Variants in NDRG3 observed in about 807,000 individuals in gnomAD.
NDRG3 encodes NDRG family member 3.
In NDRG3, 23 loss-of-function variants were observed where a neutral mutation model predicts 57.2. That is an observed-to-expected ratio of 0.40 (90% CI 0.29 to 0.57). The LOEUF (loss-of-function observed/expected upper bound fraction) is 0.57, where lower values mean the gene tolerates loss of function less well. Among genes scored for constraint, NDRG3 ranks in the 20% least tolerant of loss-of-function variants. The probability of loss-of-function intolerance (pLI) is 0.42; values close to 1 mark genes in which losing one functional copy is unlikely to be tolerated. For missense variants in NDRG3, 384 were observed against 457.3 expected, an observed-to-expected ratio of 0.84 and a Z score of 1.46; for synonymous variants, 132 against 162.6, an observed-to-expected ratio of 0.81 and a Z score of 1.43.
chr20:36,718,856 A>AT (rs1461014032), intron 2 of NDRG3, among the ~76,000 whole-genome samples: 1 of 151,570 alleles, frequency 6.6e-6, no homozygotes, highest in Non-Finnish European at 1.5e-5. Flanking sequence ...CATTTTTTTA[A>AT]TTTTTTGGTA....
chr20:36,726,914 CTT>C (rs34520989), intron 1 of NDRG3, among the ~76,000 whole-genome samples: 6 of 125,406 alleles, frequency 4.8e-5, no homozygotes, highest in African/African-American at 8.1e-5. Flanking sequence ...ATCTTTCTTT[CTT>C]TTTTTTTTTT....
intron 2 of NDRG3, among the ~76,000 whole-genome samples, chr20:36,720,106 C>CAAA (rs879825496): frequency 8.8e-6 from 1 of 113,002 alleles, no homozygotes; most frequent in Non-Finnish European, 1.9e-5. Flanking sequence ...GACTCCGTCT[C>CAAA]AAAAAAAAAA....
intron 9 of NDRG3, among the ~76,000 whole-genome samples, chr20:36,670,794 C>A (rs1008615855): frequency 1.3e-5 from 2 of 152,182 alleles, no homozygotes; most frequent in Non-Finnish European, 2.9e-5. Context: ...CTCCATCACT[C>A]CTTTGTCAGT....
intron 1 of NDRG3, among the ~76,000 whole-genome samples, chr20:36,739,237 A>G (rs922615080): frequency 6.7e-6 from 1 of 148,916 alleles, no homozygotes; most frequent in Non-Finnish European, 1.5e-5. Context: ...TCACGAGGTC[A>G]GGAGATCGAG....
At chr20:36,740,729 C>T (rs1164007448) in intron 1 of NDRG3, among the ~76,000 whole-genome samples, 1 of 152,110 alleles carries the variant, frequency 6.6e-6, no homozygotes, top group Non-Finnish European at 1.5e-5. Flanking sequence ...ACTACTAGCC[C>T]TTTCACTGAA....
intron 13 of NDRG3, among the ~76,000 whole-genome samples, chr20:36,657,822 T>C: frequency 6.6e-6 from 1 of 152,156 alleles, no homozygotes; most frequent in East Asian, 1.9e-4. Flanking sequence ...ATTTAACAAA[T>C]ATACAAAAAA....
chr20:36,679,452 T>C (rs1300651212), intron 8 of NDRG3, among the ~76,000 whole-genome samples: 1 of 152,116 alleles, frequency 6.6e-6, no homozygotes, highest in African/African-American at 2.4e-5. Context: ...TCGTTCTGTG[T>C]ATTCACACAA....
intron 1 of NDRG3, among the ~76,000 whole-genome samples, chr20:36,742,832 C>T (rs1173577286): frequency 1.3e-5 from 2 of 152,102 alleles, no homozygotes; most frequent in East Asian, 1.9e-4. Context: ...CATGCCTTAC[C>T]CATAGTCAAT....
intron 12 of NDRG3, among the ~76,000 whole-genome samples, chr20:36,663,657 C>T (rs1357914412): frequency 6.6e-6 from 1 of 152,104 alleles, no homozygotes; most frequent in East Asian, 1.9e-4. Flanking sequence ...ACTGGTATAT[C>T]CTTTCTGGAA....
At chr20:36,725,494 C>T (rs1399861676) in intron 1 of NDRG3, among the ~76,000 whole-genome samples, 4 of 150,068 alleles carry the variant, frequency 2.7e-5, no homozygotes, top group African/African-American at 9.8e-5. Context: ...CTCAGCTACT[C>T]GGGAGGCTGA....
At chr20:36,742,818 C>T (rs1177298083) in intron 1 of NDRG3, among the ~76,000 whole-genome samples, 2 of 152,208 alleles carry the variant, frequency 1.3e-5, no homozygotes, top group Non-Finnish European at 2.9e-5. Context: ...AGGCGCCATA[C>T]ATCCATGCCT....
intron 1 of NDRG3, among the ~76,000 whole-genome samples, chr20:36,723,238 C>T (rs947675975): frequency 2.0e-5 from 3 of 152,110 alleles, no homozygotes; most frequent in African/African-American, 7.2e-5. Context: ...ATAGGGAGAG[C>T]AGAATGGGGA....
intron 3 of NDRG3, among the ~76,000 whole-genome samples, chr20:36,696,419 A>G (rs774328922): frequency 2.6e-5 from 4 of 151,554 alleles, no homozygotes; most frequent in Non-Finnish European, 5.9e-5. Context: ...AAGCTCAAGC[A>G]ATCTGCTTGC....
At chr20:36,699,538 A>G (rs1983067542) in intron 3 of NDRG3, among the ~76,000 whole-genome samples, 1 of 152,126 alleles carries the variant, frequency 6.6e-6, no homozygotes, top group African/African-American at 2.4e-5. Context: ...CTTCTGTCAA[A>G]CTCAAACCTT....
chr20:36,727,563 G>A (rs1985017049), intron 1 of NDRG3, among the ~76,000 whole-genome samples: 2 of 142,738 alleles, frequency 1.4e-5, no homozygotes, highest in Non-Finnish European at 3.0e-5. Context: ...TTTTTTTTGA[G>A]ACGGAGTCTC....
intron 4 of NDRG3, 150 bp from the exon 5 acceptor site, chr20:36,687,762 G>T (rs1174782871): frequency 2.0e-5 from 17 of 852,642 alleles, no homozygotes; most frequent in Non-Finnish European, 3.0e-5. Flanking sequence ...TCTGATTCAA[G>T]CTGCCCTAAA....
intron 9 of NDRG3, among the ~76,000 whole-genome samples, chr20:36,667,046 T>C (rs989089478): frequency 1.3e-5 from 2 of 152,066 alleles, no homozygotes; most frequent in African/African-American, 4.8e-5. Context: ...ATGTTGGCCA[T>C]GCTGGTCTTG....
chr20:36,721,690 G>A lies in NDRG3; in HGVS notation c.46C>T (p.Leu16=). 1 of 1,606,036 alleles carries A rather than the reference G, an allele frequency of 6.2e-7. No homozygotes were observed. Among genetic ancestry groups the A allele is most frequent in the Non-Finnish European group, 8.5e-7 (1 of 1,173,620 alleles). Residue 16 remains leucine, a synonymous_variant, in exon 2 of 16, where the codon CTA becomes TTA. Transcript: ENST00000349004. ...AGAAAAGTCTTTACCTTATCATTTAGAAGTGGTTTGATCTCTGTGAGCTGA... is the reference window on the plus strand; with the variant it reads ...AGAAAAGTCTTTACCTTATCATTTAAAAGTGGTTTGATCTCTGTGAGCTGA... ...DVQLTEIKPL[L]NDKNGTRNFQ...
Position 36,671,327 on chromosome 20 carries a change from G to C in NDRG3, c.588+14C>G. Reference sequence around the variant, plus strand: ...CCAATAAACACAGCTCTTCTGGGTGGAACAGGTACTTACCTGCCCAAAGTG... The same window carrying C: ...CCAATAAACACAGCTCTTCTGGGTGCAACAGGTACTTACCTGCCCAAAGTG... On this transcript the variant is annotated intron_variant, in intron 9 of 15. Transcript: ENST00000349004. 1.2e-6 allele frequency: 2 copies of C among 1,608,348 alleles called. No homozygotes were observed. Among genetic ancestry groups the C allele is most frequent in the Non-Finnish European group, 1.7e-6 (2 of 1,175,436 alleles).
Sources: gnomAD v4.1 joint callset for allele counts (sites outside exome capture counted in the v4.1 genomes callset) on GRCh38, gnomAD v4.1.1 for gene constraint, MANE v1.5 for transcripts, NCBI Gene and HGNC (gene_info 2026-07-23, HGNC 2026-07-21) for gene names.